MYH14: variants seen among roughly 807,000 people sequenced by gnomAD.
The protein encoded by MYH14 is myosin-14.
A neutral mutation model predicts 255.5 loss-of-function variants in MYH14; 123 were observed. The observed-to-expected ratio is 0.48, with a 90% CI of 0.42 to 0.56. MYH14 has a LOEUF of 0.56. Ranked by LOEUF, MYH14 falls within the 20% of genes least tolerant of loss-of-function variation. The probability of loss-of-function intolerance (pLI) is 0.00; values close to 1 mark genes in which losing one functional copy is unlikely to be tolerated. For synonymous variants in MYH14, 1,095 were observed against 1,161.2 expected, an observed-to-expected ratio of 0.94 and a Z score of 1.16; for missense variants, 2,423 against 2,802.3, an observed-to-expected ratio of 0.86 and a Z score of 3.06.
Position 50,252,790 on chromosome 19 carries a change from C to T in MYH14, c.1945+37C>T, listed in dbSNP as rs1371169439. The T allele has an allele frequency of 1.4e-6, 2 of 1,412,208 alleles. No individual in the cohort carries two copies. The highest frequency in any genetic ancestry group is 1.2e-5 in the South Asian group (1 of 81,330). 87.5% of individuals were successfully genotyped at this position (1,412,208 alleles called of 1,614,324 possible). The stretch of plus-strand genomic sequence containing the variant: ...CTTCCCCCACCCCGGCTCTAGGGGT[C>T]TGTGCGGCCATTCTCCAAATCCACA... On this transcript the variant is annotated intron_variant, in intron 16 of 42. Coordinates refer to ENST00000642316, the MANE Select transcript of MYH14 (RefSeq NM_001145809.2). This position sits in a 1 kb window ranked among gnomAD's most constrained non-coding sequence, Gnocchi z 4.2.
chr19:50,219,124 G>T (rs994153221), intron 3 of MYH14, among the ~76,000 whole-genome samples: 2 of 143,554 alleles, frequency 1.4e-5, no homozygotes, highest in Admixed American at 1.4e-4. Context: ...ATATATGTGT[G>T]TGTGTGTATA....
chr19:50,307,303 G>A (rs758860187), intron 41 of MYH14, 146 bp downstream of exon 41: 89 of 593,412 alleles, frequency 1.5e-4, no homozygotes, highest in Non-Finnish European at 2.6e-4. Context: ...TACCATCTTG[G>A]CACTTGGCAC....
chr19:50,225,465 A>T lies in MYH14; in HGVS notation c.718-120A>T, dbSNP rs572328363. On this transcript the variant is annotated intron_variant, in intron 6 of 42. Coordinates refer to ENST00000642316, the MANE Select transcript of MYH14 (RefSeq NM_001145809.2). ...ATATGGGAAGTGGGTACACGCCCAGACACACAAAGGCCCCTCACACACAGA... is the reference window on the plus strand; with the variant it reads ...ATATGGGAAGTGGGTACACGCCCAGTCACACAAAGGCCCCTCACACACAGA... 3 of 706,986 alleles carry T rather than the reference A, an allele frequency of 4.2e-6. No homozygotes were observed. In the South Asian group the frequency reaches 5.1e-5, roughly 12 times the overall value. The allele number at this position is 706,986 out of a possible 1,614,324, so 43.8% of individuals were successfully genotyped here. A position where few individuals can be genotyped will look rare whatever the true frequency, so the allele number is the denominator to read the frequency against.
At chr19:50,287,509 C>T (rs1334648592) in intron 34 of MYH14, among the ~76,000 whole-genome samples, 1 of 152,092 alleles carries the variant, frequency 6.6e-6, no homozygotes, top group Non-Finnish European at 1.5e-5. Flanking sequence ...GTCTCCTAGG[C>T]TCAAGCAGTC....
At chr19:50,213,882 A>G (rs898249139) in intron 2 of MYH14, among the ~76,000 whole-genome samples, 1 of 152,044 alleles carries the variant, frequency 6.6e-6, no homozygotes, top group African/African-American at 2.4e-5. Context: ...CTGGAGTGCA[A>G]TGGCATGCTT....
At position 50,301,733 on chromosome 19, in the gene MYH14, C is replaced by G. The variant is rs780257287; in HGVS notation, c.5542C>G (p.Leu1848Val). 6.2e-7 allele frequency: 1 copy of G among 1,613,948 alleles called. No individual in the cohort carries two copies. Among genetic ancestry groups the G allele is most frequent in the Non-Finnish European group, 8.5e-7 (1 of 1,179,858 alleles). ...CAAGGCAGAGAGCGGGCGGCAGCAG[C>G]TGGAACGGCAGATCCAGGAGCTACG... ...SAKAESGRQQ[L>V]ERQIQELRGR... is the part of the protein sequence containing the mutation. Residue 1848 changes from leucine (L) to valine (V), a missense_variant, in exon 40 of 43, where the codon CTG (leucine) becomes GTG (valine). Around this residue, in one of 3 missense-constraint regions of MYH14, gnomAD observed 1,513 missense variants for 1,674.8 expected, o/e 0.90. Coordinates refer to ENST00000642316, the MANE Select transcript of MYH14 (RefSeq NM_001145809.2).
chr19:50,293,472 G>C lies in MYH14; in HGVS notation c.5346-92G>C. On this transcript the variant is annotated intron_variant, in intron 38 of 42. Transcript: ENST00000642316. This position sits in a 1 kb window ranked among gnomAD's most constrained non-coding sequence, Gnocchi z 4.1. ...CTGGGGTGTGAGGCTGGGGAGATGC[G>C]TGGGGCTAACCACAGGGTCCTGTAG... 3 of 1,565,374 alleles carry C rather than the reference G, an allele frequency of 1.9e-6. No homozygotes were observed. Among genetic ancestry groups the C allele is most frequent in the Non-Finnish European group, 2.6e-6 (3 of 1,153,150 alleles).
At chr19:50,264,183 G>T (rs1651548) in intron 22 of MYH14, among the ~76,000 whole-genome samples, 113,905 of 151,732 alleles carry the variant, frequency 0.75, 42,962 homozygotes, top group East Asian at 0.84. Context: ...ACACTTAGCT[G>T]TTCCCAGCAA....
intron 30 of MYH14, among the ~76,000 whole-genome samples, chr19:50,278,989 CAATAAT>C (rs370434960): frequency 6.6e-6 from 1 of 151,626 alleles, no homozygotes; most frequent in African/African-American, 2.4e-5. Flanking sequence ...ACTCCATCTC[CAATAAT>C]AATAATAATA....
chr19:50,281,913 AACCAGTAATCCGTGCTGTC>A, intron 33 of MYH14, 71 bp downstream of exon 33: 1 of 1,526,508 alleles, frequency 6.6e-7, no homozygotes, highest in Admixed American at 1.8e-5. Flanking sequence ...CGTTGTGAGG[AACCAGTAATCCGTGCTGTC>A]ACGGCTCAAC....
At chr19:50,217,495 GTAGA>G in intron 2 of MYH14, 116 bp from the exon 3 acceptor site, 1 of 1,095,418 alleles carries the variant, frequency 9.1e-7, no homozygotes, top group Non-Finnish European at 1.4e-6. Context: ...TTGTTATGGT[GTAGA>G]CATACCATGT....
rs1300126618 is a variant in MYH14 at position 50,290,874 on chromosome 19, ACCT to A, written c.4966-8_4966-6del. 3.2e-6 allele frequency: 5 copies of A among 1,551,256 alleles called. No homozygotes were observed. The highest frequency in any genetic ancestry group is 4.4e-6 in the Non-Finnish European group (5 of 1,148,164). ...CCTGTGTCTGACCCGGTCCCTCCTG[ACCT>A]CCTCTCCAGCTGAGAGATGCAGAGG... On this transcript the variant is annotated splice_polypyrimidine_tract_variant and intron_variant, in intron 35 of 42. Coordinates refer to ENST00000642316, the MANE Select transcript of MYH14 (RefSeq NM_001145809.2).
chr19:50,300,649 T>G (rs2036449064), intron 39 of MYH14, among the ~76,000 whole-genome samples: 1 of 127,892 alleles, frequency 7.8e-6, no homozygotes. Flanking sequence ...CTCAAGAGGC[T>G]GAGGCAGGAG....
intron 10 of MYH14, among the ~76,000 whole-genome samples, chr19:50,241,915 GATT>G (rs985562047): frequency 1.3e-5 from 2 of 152,222 alleles, no homozygotes; most frequent in Admixed American, 6.5e-5. Flanking sequence ...AAAGTGCTGG[GATT>G]ACGGGCGTGA....
chr19:50,213,637 C>T (rs1206588500), intron 2 of MYH14, among the ~76,000 whole-genome samples: 1 of 152,150 alleles, frequency 6.6e-6, no homozygotes, highest in East Asian at 1.9e-4. Flanking sequence ...GCTTTCTCTG[C>T]TGGGTGCTGT....
chr19:50,291,016 G>A lies in MYH14; in HGVS notation c.5095G>A (p.Glu1699Lys), dbSNP rs774603941. 2.5e-6 allele frequency: 4 copies of A among 1,613,014 alleles called. No homozygotes were observed. In the South Asian group the frequency reaches 4.4e-5, roughly 18 times the overall value. Residue 1699 changes from glutamate (E) to lysine (K), a missense_variant, in exon 36 of 43, where the codon GAG (glutamate) becomes AAG (lysine). Coordinates refer to ENST00000642316, the MANE Select transcript of MYH14 (RefSeq NM_001145809.2). ...AQMASAGQGK[E>K]EAVKQLRKMQ... is the part of the protein sequence containing the mutation. ...GATGGCCTCTGCCGGCCAGGGCAAGGAGGAGGCGGTGAAGCAGCTTCGCAA... is the reference window on the plus strand; with the variant it reads ...GATGGCCTCTGCCGGCCAGGGCAAGAAGGAGGCGGTGAAGCAGCTTCGCAA...
At chr19:50,286,267 T>G (rs2035884915) in intron 33 of MYH14, 1 of 473,636 alleles carries the variant, frequency 2.1e-6, no homozygotes. Context: ...GTTGAACATA[T>G]AGAGTTAGGG....
At chr19:50,234,857 G>T (rs1267299430) in intron 10 of MYH14, among the ~76,000 whole-genome samples, 1 of 152,170 alleles carries the variant, frequency 6.6e-6, no homozygotes, top group Non-Finnish European at 1.5e-5. Flanking sequence ...ACTGAATGTG[G>T]CTAAAGGTTG....
At chr19:50,297,045 G>A (rs973175516) in intron 39 of MYH14, among the ~76,000 whole-genome samples, 25 of 152,078 alleles carry the variant, frequency 1.6e-4, no homozygotes, top group Non-Finnish European at 2.9e-4. Context: ...GAGTGCCGTG[G>A]TGTGATCTTG....
Sources: allele counts gnomAD v4.1 joint callset (sites outside exome capture counted in the v4.1 genomes callset), GRCh38; gene constraint gnomAD v4.1.1; regional missense constraint gnomAD v4.1.1; non-coding constraint Gnocchi (gnomAD v3.1); transcripts MANE v1.5; gene names NCBI Gene and HGNC (gene_info 2026-07-23, HGNC 2026-07-21).